DPP6: variants seen among roughly 807,000 people sequenced by gnomAD.
DPP6 encodes the protein A-type potassium channel modulatory protein DPP6.
Under a neutral mutation model 122.6 loss-of-function variants are expected in DPP6, and 69 were observed. That is an observed-to-expected ratio of 0.56 (90% CI 0.46 to 0.69). The LOEUF (loss-of-function observed/expected upper bound fraction) is 0.69, where lower values mean the gene tolerates loss of function less well. Ranked by LOEUF, DPP6 falls within the 30% of genes least tolerant of loss-of-function variation. The probability of loss-of-function intolerance (pLI) is 0.00; values close to 1 mark genes in which losing one functional copy is unlikely to be tolerated. For synonymous variants in DPP6, 418 were observed against 433.1 expected (o/e 0.97, Z 0.43); for missense variants, 928 against 1,116.9 (o/e 0.83, Z 2.41).
At chr7:154,023,357 C>CACACACACACACAT (rs1563109429) in intron 1 of DPP6, among the ~76,000 whole-genome samples, 14 of 151,082 alleles carry the variant, frequency 9.3e-5, no homozygotes, top group African/African-American at 3.0e-4. Context: ...CACACACACA[C>CACACACACACACAT]ACACTTCTTA....
Position 153,931,292 on chromosome 7 carries a change from C to A in DPP6, c.51+43558C>A, listed in dbSNP as rs974917625. Among the ~76,000 whole-genome samples, 111 of 151,982 alleles carry A rather than the reference C, an allele frequency of 7.3e-4. 2 individuals are homozygous for A. Among genetic ancestry groups the A allele is most frequent in the Admixed American group, 2.6e-3 (40 of 15,272 alleles). On this transcript the variant is annotated intron_variant, in intron 1 of 25. Transcript: ENST00000404039. ...GGAAGTATAATTCAGCATTTCAAAT[C>A]AGAATGGAGGTGCTTCAAAGATTTG...
chr7:154,430,555 C>A (rs1019034074), intron 1 of DPP6, among the ~76,000 whole-genome samples: 1 of 152,164 alleles, frequency 6.6e-6, no homozygotes, highest in African/African-American at 2.4e-5. Flanking sequence ...CTGAAGGCCC[C>A]CCTCCTAGTG....
intron 1 of DPP6, among the ~76,000 whole-genome samples, chr7:153,890,122 A>G (rs113995540): frequency 0.057 from 8,673 of 152,282 alleles, 306 homozygotes; most frequent in South Asian, 0.11. Flanking sequence ...ATTTACTCCT[A>G]TTACTGACAG....
the DPP6 span, among the ~76,000 whole-genome samples, chr7:153,868,107 AT>A: frequency 6.6e-6 from 1 of 151,986 alleles, no homozygotes; most frequent in African/African-American, 2.4e-5. Flanking sequence ...TTGGTCTAAA[AT>A]TCTCTTTTTT....
rs11768992 is a variant in DPP6, at chr7:154,061,619, G to A, written c.243+8556G>A. ...CTGGCTCTTGGGACTCCCATCACAG[G>A]GGGGGGAGGCACCCGCTGCGAGGCG... On this transcript the variant is annotated intron_variant, in intron 1 of 25. Coordinates refer to ENST00000377770, the MANE Select transcript of DPP6 (RefSeq NM_130797.4). Among the ~76,000 whole-genome samples the A allele has an allele frequency of 1.2e-4, 15 of 129,570 alleles. 1 individual carries two copies. The highest frequency in any genetic ancestry group is 1.7e-4 in the Non-Finnish European group (10 of 59,348). 85.0% of individuals were successfully genotyped at this position (129,570 alleles called of 152,430 possible).
At chr7:153,752,867 G>A in the DPP6 span, among the ~76,000 whole-genome samples, 1 of 149,518 alleles carries the variant, frequency 6.7e-6, no homozygotes, top group African/African-American at 2.5e-5. Context: ...ACAAATGCAG[G>A]ACATAATTTA....
chr7:154,531,021 C>T (rs946416889), intron 3 of DPP6, among the ~76,000 whole-genome samples: 5 of 152,044 alleles, frequency 3.3e-5, no homozygotes, highest in African/African-American at 1.2e-4. Flanking sequence ...GGAGGGAGAA[C>T]ATCAGGAAGA....
At chr7:154,454,886 A>G (rs1280552577) in intron 2 of DPP6, among the ~76,000 whole-genome samples, 2 of 152,164 alleles carry the variant, frequency 1.3e-5, no homozygotes, top group African/African-American at 4.8e-5. Flanking sequence ...TTGAGCGTTT[A>G]TCCAAGGTCC....
intron 7 of DPP6, among the ~76,000 whole-genome samples, chr7:154,713,551 C>T (rs1841318667): frequency 2.0e-5 from 3 of 152,242 alleles, no homozygotes; most frequent in Non-Finnish European, 4.4e-5. Flanking sequence ...CACCTGCAGG[C>T]CCAACATCAC....
chr7:154,753,522 C>T (rs1342524176), intron 8 of DPP6, among the ~76,000 whole-genome samples: 1 of 152,138 alleles, frequency 6.6e-6, no homozygotes, highest in Non-Finnish European at 1.5e-5. Context: ...TCCTCCTCTC[C>T]CATTCATGGT....
chr7:154,431,620 T>G (rs139596174), intron 1 of DPP6, among the ~76,000 whole-genome samples: 220 of 148,090 alleles, frequency 1.5e-3, no homozygotes, highest in African/African-American at 5.0e-3. Context: ...CCACAACCTC[T>G]ACCTCCCAAG....
In DPP6 at chr7:154,406,034, G is replaced by A. The variant is rs1385468658; in HGVS notation, c.244-40180G>A. 2.0e-5 allele frequency among the ~76,000 whole-genome samples: 3 copies of A among 152,106 alleles called. No individual in the cohort carries two copies. In the East Asian group the frequency reaches 5.8e-4, roughly 29 times the overall value. On this transcript the variant is annotated intron_variant, in intron 1 of 25. Transcript: ENST00000377770. The stretch of plus-strand genomic sequence containing the variant: ...GATACTGGTACATTAAGTTTTCTAA[G>A]AAATAAATATAAATAAATCTTATAT...
At chr7:153,754,154 G>C in the DPP6 span, among the ~76,000 whole-genome samples, 1 of 152,092 alleles carries the variant, frequency 6.6e-6, no homozygotes, top group Admixed American at 6.5e-5. Context: ...AGCAAAGCTT[G>C]TATGTCTGTC....
chr7:154,669,556 GT>G, intron 7 of DPP6, 115 bp downstream of exon 7: 1 of 1,414,550 alleles, frequency 7.1e-7, no homozygotes, highest in Non-Finnish European at 9.4e-7. Context: ...GTGTGTGTGT[GT>G]GTGTGTGTGT....
At chr7:154,638,624 C>T (rs760234058) in intron 6 of DPP6, among the ~76,000 whole-genome samples, 2 of 150,642 alleles carry the variant, frequency 1.3e-5, no homozygotes, top group Non-Finnish European at 3.0e-5. Flanking sequence ...GCTGGGCAGG[C>T]GTCCCCCACA....
chr7:154,885,704 C>T lies in DPP6; in HGVS notation c.2205C>T (p.Cys735=), dbSNP rs3734959. 0.012 allele frequency: 19,170 copies of T among 1,598,972 alleles called. 1,630 individuals carry two copies. The Admixed American group carries it at 0.2, about 17-fold the overall frequency. ...KGENQGQTFT[C]GSALSPITDF... ...AAAATCAAGGCCAGACATTCACCTG[C>T]GGCTCTGCTCTCTCTCCAATAACAG... Residue 735 remains cysteine (C), a synonymous_variant, in exon 22 of 26, where the codon TGC becomes TGT. Transcript: ENST00000377770.
intron 5 of DPP6, among the ~76,000 whole-genome samples, chr7:154,574,648 G>A (rs1445024354): frequency 8.4e-6 from 1 of 119,190 alleles, no homozygotes; most frequent in African/African-American, 3.2e-5. Context: ...TGGTGTGTGT[G>A]GTGTAGTGTT....
intron 1 of DPP6, among the ~76,000 whole-genome samples, chr7:153,990,655 T>C (rs949698898): frequency 2.0e-5 from 3 of 151,848 alleles, no homozygotes; most frequent in African/African-American, 7.2e-5. Flanking sequence ...GGCAGGTGCA[T>C]TGCTCTTGTT....
chr7:154,300,551 C>T (rs747111564), intron 1 of DPP6, among the ~76,000 whole-genome samples: 5 of 152,160 alleles, frequency 3.3e-5, no homozygotes, highest in African/African-American at 7.2e-5. Flanking sequence ...TGACTTGAGA[C>T]GTCTTAAACT....
Sources: allele counts gnomAD v4.1 joint callset (sites outside exome capture counted in the v4.1 genomes callset), GRCh38; gene constraint gnomAD v4.1.1; transcripts MANE v1.5; gene names NCBI Gene and HGNC (gene_info 2026-07-23, HGNC 2026-07-21).